Variants in SPAG16 observed in about 807,000 individuals in gnomAD.
The protein encoded by SPAG16 is sperm associated antigen 16.
A neutral mutation model predicts 80.4 loss-of-function variants in SPAG16; 86 were observed. That is an observed-to-expected ratio of 1.07 (90% CI 0.90 to 1.28). SPAG16 has a LOEUF of 1.28. Among genes scored for constraint, SPAG16 ranks in the 50% most tolerant of loss-of-function variants. SPAG16 has a pLI of 0.00. For missense variants in SPAG16, 870 were observed against 765.3 expected, an observed-to-expected ratio of 1.14 and a Z score of -1.61; for synonymous variants, 294 against 265.9, an observed-to-expected ratio of 1.11 and a Z score of -1.03.
intron 15 of SPAG16, among the ~76,000 whole-genome samples, chr2:214,386,629 C>T (rs770266457): frequency 6.6e-5 from 10 of 151,356 alleles, no homozygotes; most frequent in South Asian, 4.2e-4. Context: ...TGGGAGGCTG[C>T]GGCAGATAGA....
At chr2:213,586,253 A>T (rs1413792161) in intron 10 of SPAG16, among the ~76,000 whole-genome samples, 1 of 152,238 alleles carries the variant, frequency 6.6e-6, no homozygotes, top group African/African-American at 2.4e-5. Context: ...TGGGTAGCTT[A>T]TAAGCAACAG....
chr2:213,817,695 A>G (rs990220063), intron 10 of SPAG16, among the ~76,000 whole-genome samples: 14 of 152,192 alleles, frequency 9.2e-5, no homozygotes, highest in African/African-American at 3.1e-4. Flanking sequence ...GGAGGCCATT[A>G]TTCCAAGTGA....
intron 9 of SPAG16, among the ~76,000 whole-genome samples, chr2:213,377,773 C>A (rs1021839703): frequency 6.6e-6 from 1 of 151,862 alleles, no homozygotes; most frequent in African/African-American, 2.4e-5. Flanking sequence ...ACTTGAGATA[C>A]CTTATGATAG....
chr2:213,727,067 G>A lies in SPAG16; in HGVS notation c.1071-135418G>A, dbSNP rs143886626. Among the ~76,000 whole-genome samples the A allele has an allele frequency of 2.2e-3, 330 of 152,100 alleles. 13 individuals are homozygous for A. In the East Asian group the frequency reaches 0.052, roughly 24 times the overall value. On this transcript the variant is annotated intron_variant, in intron 10 of 15. Transcript: ENST00000331683. ...TAATAATCTAATATTATCAAATCAC[G>A]ATCCCCAACTTCTCAAGACATAATG...
intron 11 of SPAG16, among the ~76,000 whole-genome samples, chr2:213,886,930 G>T (rs567878560): frequency 6.6e-6 from 1 of 152,236 alleles, no homozygotes; most frequent in Non-Finnish European, 1.5e-5. Context: ...ATCTGGTAAG[G>T]AGTAGAAGTT....
intron 8 of SPAG16, among the ~76,000 whole-genome samples, chr2:213,369,823 C>T (rs567007551): frequency 6.4e-4 from 98 of 152,068 alleles, no homozygotes; most frequent in Non-Finnish European, 1.1e-3. Flanking sequence ...ACCACCTGCC[C>T]CCAGACATAG....
intron 10 of SPAG16, among the ~76,000 whole-genome samples, chr2:213,824,335 G>A (rs78715614): frequency 0.037 from 5,579 of 152,264 alleles, 127 homozygotes; most frequent in East Asian, 0.08. Context: ...GACCTGGAGA[G>A]CTTCCCCAAT....
chr2:213,882,390 A>AGTACCT (rs146208068), intron 11 of SPAG16, among the ~76,000 whole-genome samples: 1,574 of 152,262 alleles, frequency 0.01, 34 homozygotes, highest in African/African-American at 0.035. Context: ...TTTTTGGAAT[A>AGTACCT]GTACCTGTTC....
chr2:213,404,924 T>A (rs1345541763), intron 9 of SPAG16, among the ~76,000 whole-genome samples: 1 of 152,218 alleles, frequency 6.6e-6, no homozygotes, highest in Non-Finnish European at 1.5e-5. Flanking sequence ...TCTAGGATTA[T>A]GCTTCCAAAG....
intron 10 of SPAG16, among the ~76,000 whole-genome samples, chr2:213,559,723 G>C (rs1268405122): frequency 6.6e-6 from 1 of 151,626 alleles, no homozygotes; most frequent in African/African-American, 2.4e-5. Flanking sequence ...TTCCCAGTGG[G>C]GTAATAGTTT....
intron 15 of SPAG16, among the ~76,000 whole-genome samples, chr2:214,280,036 T>C (rs997678192): frequency 2.6e-5 from 4 of 152,162 alleles, no homozygotes; most frequent in Admixed American, 1.3e-4. Context: ...ATGTCTCAAA[T>C]TGATGACACC....
At chr2:213,860,236 A>G (rs1477940865) in intron 10 of SPAG16, among the ~76,000 whole-genome samples, 1 of 151,852 alleles carries the variant, frequency 6.6e-6, no homozygotes, top group Admixed American at 6.6e-5. Flanking sequence ...ATATTATCAA[A>G]GCATTAAATT....
In SPAG16 at chr2:213,767,217, G is replaced by T. The variant is rs552019973; in HGVS notation, c.1071-95268G>T. Among the ~76,000 whole-genome samples the T allele has an allele frequency of 1.6e-4, 24 of 152,204 alleles. 2 individuals carry two copies. The highest frequency in any genetic ancestry group is 5.8e-4 in the African/African-American group (24 of 41,536). The stretch of plus-strand genomic sequence containing the variant: ...TCAATGATTTAAGTTGTCTTAACAC[G>T]CATTATATGTTCTATTATCCAAGTA... On this transcript the variant is annotated intron_variant, in intron 10 of 15. Coordinates refer to ENST00000331683, the MANE Select transcript of SPAG16 (RefSeq NM_024532.5).
chr2:213,809,757 A>G (rs2072012424), intron 10 of SPAG16, among the ~76,000 whole-genome samples: 1 of 152,146 alleles, frequency 6.6e-6, no homozygotes, highest in Non-Finnish European at 1.5e-5. Context: ...TTAGGGGGAG[A>G]CATGGTTTAT....
At chr2:214,301,035 A>G (rs1368412057) in intron 15 of SPAG16, among the ~76,000 whole-genome samples, 2 of 80,560 alleles carry the variant, frequency 2.5e-5, no homozygotes, top group Admixed American at 2.4e-4. Flanking sequence ...AAGTATAATA[A>G]TAATAATAAT....
chr2:213,883,629 A>G (rs1016001439), intron 11 of SPAG16, among the ~76,000 whole-genome samples: 1 of 152,070 alleles, frequency 6.6e-6, no homozygotes, highest in Non-Finnish European at 1.5e-5. Context: ...TCCCACTATT[A>G]TAGTGTGGTT....
intron 10 of SPAG16, among the ~76,000 whole-genome samples, chr2:213,575,589 G>A (rs1034647682): frequency 6.6e-5 from 10 of 151,978 alleles, no homozygotes; most frequent in Non-Finnish European, 1.3e-4. Context: ...GTAAGTTCAG[G>A]TTGTTTAATA....
At chr2:214,263,706 G>A (rs1408491015) in intron 15 of SPAG16, among the ~76,000 whole-genome samples, 1 of 152,108 alleles carries the variant, frequency 6.6e-6, no homozygotes, top group Admixed American at 6.6e-5. Context: ...GTTAATTCGG[G>A]AATTTCAAGC....
At chr2:213,294,800 G>T (rs556877460) in intron 1 of SPAG16, among the ~76,000 whole-genome samples, 1 of 152,270 alleles carries the variant, frequency 6.6e-6, no homozygotes, top group Admixed American at 6.5e-5. Flanking sequence ...TATTTATGTA[G>T]CACAGAAAAC....
Sources: allele counts gnomAD v4.1 joint callset (sites outside exome capture counted in the v4.1 genomes callset), GRCh38; gene constraint gnomAD v4.1.1; transcripts MANE v1.5; gene names NCBI Gene and HGNC (gene_info 2026-07-23, HGNC 2026-07-21).